Variants in LDLRAP1 observed in about 807,000 individuals in gnomAD.
The protein encoded by LDLRAP1 is low density lipoprotein receptor adapter protein 1.
LDLRAP1 carries 30 observed loss-of-function variants against 37.8 expected under a neutral mutation model. The ratio of observed to expected loss-of-function variants is 0.79; its 90% confidence interval spans 0.59 to 1.08. LDLRAP1 has a LOEUF of 1.08. LDLRAP1 is among the 50% of genes least tolerant of loss of function. The pLI, the probability that LDLRAP1 is intolerant of heterozygous loss-of-function variation, is 0.00. For synonymous variants in LDLRAP1, 156 were observed against 169.8 expected, an observed-to-expected ratio of 0.92 and a Z score of 0.63; for missense variants, 375 against 401.6, an observed-to-expected ratio of 0.93 and a Z score of 0.57.
intron 6 of LDLRAP1, 91 bp downstream of exon 6, chr1:25,563,244 C>A: frequency 2.9e-6 from 3 of 1,025,400 alleles, no homozygotes; most frequent in Non-Finnish European, 2.9e-6. Context: ...GCTGGGAGAG[C>A]CTCTTGGTTT....
chr1:25,589,293 C>T, the LDLRAP1 span, among the ~76,000 whole-genome samples: 603 of 130,418 alleles, frequency 4.6e-3, 3 homozygotes, highest in Non-Finnish European at 5.4e-3. Flanking sequence ...AACACAGCAA[C>T]ACTCCATCTC....
chr1:25,552,477 G>C (rs983441318), intron 1 of LDLRAP1, among the ~76,000 whole-genome samples: 1 of 152,200 alleles, frequency 6.6e-6, no homozygotes, highest in Non-Finnish European at 1.5e-5. Flanking sequence ...GCTGGATCCT[G>C]CTCTGTCCTC....
chr1:25,574,651 C>G, the LDLRAP1 span, among the ~76,000 whole-genome samples: 1 of 152,106 alleles, frequency 6.6e-6, no homozygotes, highest in Non-Finnish European at 1.5e-5. Context: ...GGGCTGGTGT[C>G]TCTTGGTCCC....
intron 4 of LDLRAP1, among the ~76,000 whole-genome samples, chr1:25,559,914 T>C (rs183344819): frequency 2.4e-4 from 36 of 152,298 alleles, no homozygotes; most frequent in South Asian, 1.0e-3. Context: ...CAGCCCAGCA[T>C]CAGTACCTGG....
intron 4 of LDLRAP1, among the ~76,000 whole-genome samples, chr1:25,562,242 T>C (rs1426283585): frequency 2.6e-5 from 4 of 152,186 alleles, no homozygotes; most frequent in Non-Finnish European, 4.4e-5. Context: ...AAGGGCTAAG[T>C]CCACAGGTAA....
At chr1:25,585,628 G>A in the LDLRAP1 span, among the ~76,000 whole-genome samples, 2 of 152,184 alleles carry the variant, frequency 1.3e-5, no homozygotes, top group East Asian at 1.9e-4. Flanking sequence ...CCTTACGGAA[G>A]CTGGGGTTTT....
rs2044544434 is a variant in LDLRAP1, at chr1:25,568,505, C to G, written c.*1513C>G. The G allele has an allele frequency of 6.6e-6, 1 of 152,268 alleles. No homozygotes were observed. The highest frequency in any genetic ancestry group is 2.4e-5 in the African/African-American group (1 of 41,454). The allele number at this position is 152,268 out of a possible 1,614,324, so 9.4% of individuals were successfully genotyped here. A position where few individuals can be genotyped will look rare whatever the true frequency, so the allele number is the denominator to read the frequency against. On this transcript the variant is annotated 3_prime_UTR_variant, in exon 9 of 9. Transcript: ENST00000374338. The stretch of plus-strand genomic sequence containing the variant: ...TTCATCAGCCCTAGGGAAAACACGG[C>G]CCTCCTGGGAACCTCCTTACCTGGA...
rs1278656095 is a variant in LDLRAP1 at position 25,566,921 on chromosome 1, TGCCTCTC to T, written c.861_867del (p.Pro289ThrfsTer30). The T allele has an allele frequency of 1.2e-6, 2 of 1,613,450 alleles. No homozygotes were observed. Among genetic ancestry groups the T allele is most frequent in the African/African-American group, 2.7e-5 (2 of 74,922 alleles). On this transcript the variant is annotated frameshift_variant, in exon 9 of 9. Transcript: ENST00000374338. LOFTEE classifies it high-confidence loss of function. ...AGCCCAGGACATGCATTACGCCCAGTGCCTCTCGCCTGTCGACTGGGACAAGCCTGAC... is the reference window on the plus strand; with the variant it reads ...AGCCCAGGACATGCATTACGCCCAGTGCCTGTCGACTGGGACAAGCCTGAC...
intron 6 of LDLRAP1, 49 bp downstream of exon 6, chr1:25,563,202 G>C (rs369156251): frequency 7.5e-5 from 116 of 1,540,620 alleles, no homozygotes; most frequent in Middle Eastern, 3.6e-4. Context: ...TTGGGGTTGC[G>C]CTTCACCCAG....
rs1436428315 is a variant in LDLRAP1, at chr1:25,567,886, C to A, written c.*894C>A. On this transcript the variant is annotated 3_prime_UTR_variant, in exon 9 of 9. Transcript: ENST00000374338. ...TGTGTGTCCGTTTGAGTGTCTGCGC[C>A]CCGCCTCCCCATACTTCCTGGGATG... 6.6e-6 allele frequency: 1 copy of A among 152,526 alleles called. No homozygotes were observed. Among genetic ancestry groups the A allele is most frequent in the Non-Finnish European group, 1.5e-5 (1 of 68,114 alleles). The allele number at this position is 152,526 out of a possible 1,614,324, so 9.4% of individuals were successfully genotyped here.
chr1:25,569,522 A>G (rs1226914744), downstream of LDLRAP1, among the ~76,000 whole-genome samples: 2 of 152,144 alleles, frequency 1.3e-5, no homozygotes, highest in Admixed American at 6.5e-5. Flanking sequence ...GTCTGTGAAA[A>G]TGGTGCAATG....
At chr1:25,566,636 G>T (rs981142784) in intron 8 of LDLRAP1, among the ~76,000 whole-genome samples, 8 of 152,132 alleles carry the variant, frequency 5.3e-5, no homozygotes, top group African/African-American at 9.7e-5. Context: ...TCTCCCGGGG[G>T]TGGGTGCACC....
Position 25,554,943 on chromosome 1 carries a change from C to T in LDLRAP1, c.315C>T (p.Asn105=). The stretch of plus-strand genomic sequence containing the variant: ...TTATCCTGACAGACAACCTCACCAA[C>T]CAGCTCATTGAGAACGTGTCCATAT... ...RGIILTDNLT[N]QLIENVSIYR... is the part of the protein sequence containing the mutation. The change falls in exon 3 of 9, where the codon AAC becomes AAT. Residue 105 remains asparagine, a synonymous_variant. Coordinates refer to ENST00000374338, the MANE Select transcript of LDLRAP1 (RefSeq NM_015627.3). This position sits in a 1 kb window ranked among gnomAD's most constrained non-coding sequence, Gnocchi z 5.4. The T allele has an allele frequency of 6.2e-7, 1 of 1,614,198 alleles. No homozygotes were observed. Among genetic ancestry groups the T allele is most frequent in the Non-Finnish European group, 8.5e-7 (1 of 1,180,010 alleles).
chr1:25,544,106 C>T lies in LDLRAP1; in HGVS notation c.88+320C>T, dbSNP rs115381735. On this transcript the variant is annotated intron_variant, in intron 1 of 8. Coordinates refer to ENST00000374338, the MANE Select transcript of LDLRAP1 (RefSeq NM_015627.3). The surrounding 1 kb of genome is among the most constrained non-coding windows in gnomAD (Gnocchi z 4.8). ...CCCCCGCCACCCGCGGCACCTCCCG[C>T]CCTGCTGTCCTGGCCAGCTAGGGGG... Among the ~76,000 whole-genome samples the T allele has an allele frequency of 0.016, 2,373 of 152,264 alleles. 68 individuals carry two copies. Among genetic ancestry groups the T allele is most frequent in the African/African-American group, 0.055 (2,267 of 41,562 alleles).
the LDLRAP1 span, among the ~76,000 whole-genome samples, chr1:25,577,900 G>C: frequency 0.032 from 4,946 of 152,336 alleles, 120 homozygotes; most frequent in Non-Finnish European, 0.05. Context: ...GTCAGTGCGT[G>C]TGCACCAGCT....
chr1:25,546,786 T>TGTG (rs900301023), intron 1 of LDLRAP1, among the ~76,000 whole-genome samples: 25 of 152,260 alleles, frequency 1.6e-4, no homozygotes, highest in Admixed American at 1.0e-3. Flanking sequence ...TGCAAATGAA[T>TGTG]GTGGCCCAAC....
At chr1:25,580,513 AATT>A in the LDLRAP1 span, among the ~76,000 whole-genome samples, 1,010 of 152,208 alleles carry the variant, frequency 6.6e-3, 13 homozygotes, top group African/African-American at 0.022. Flanking sequence ...TAATCTTCAC[AATT>A]ATTATTATTT....
At chr1:25,557,499 G>A in intron 4 of LDLRAP1, 1 of 584,348 alleles carries the variant, frequency 1.7e-6, no homozygotes, top group Non-Finnish European at 3.1e-6. Context: ...GCTGGCCCAT[G>A]TCCCCAGTGT....
the LDLRAP1 span, among the ~76,000 whole-genome samples, chr1:25,574,628 C>T: frequency 6.6e-6 from 1 of 152,062 alleles, no homozygotes; most frequent in Admixed American, 6.5e-5. Context: ...GGTGTATCCC[C>T]GTGTGATGTG....
Sources: gnomAD v4.1 joint callset for allele counts (sites outside exome capture counted in the v4.1 genomes callset) on GRCh38, gnomAD v4.1.1 for gene constraint, Gnocchi (gnomAD v3.1) non-coding constraint, MANE v1.5 for transcripts, NCBI Gene and HGNC (gene_info 2026-07-23, HGNC 2026-07-21) for gene names.